The following WDPCP variants were observed in gnomAD, a reference collection of about 807,000 sequenced individuals.
WDPCP encodes WD repeat-containing and planar cell polarity effector protein fritz homolog.
Under a neutral mutation model 93.1 loss-of-function variants are expected in WDPCP, and 71 were observed. The observed-to-expected ratio is 0.76, with a 90% confidence interval of 0.63 to 0.93. The LOEUF (loss-of-function observed/expected upper bound fraction) is 0.93. Ranked by LOEUF, WDPCP falls within the 40% of genes least tolerant of loss-of-function variation. The pLI is 0.00. For synonymous variants in WDPCP, 315 were observed against 315.0 expected, an observed-to-expected ratio of 1.00 and a Z score of 0.00; for missense variants, 844 against 887.4, an observed-to-expected ratio of 0.95 and a Z score of 0.62.
chr2:63,291,399 C>T (rs1478350987), intron 13 of WDPCP, among the ~76,000 whole-genome samples: 1 of 152,148 alleles, frequency 6.6e-6, no homozygotes, highest in South Asian at 2.1e-4. Flanking sequence ...TTTGTATGTG[C>T]TACACAGACT....
rs535701060 is a variant in WDPCP at position 63,607,354 on chromosome 2, T to C, written n.488+43305A>G. Among the ~76,000 whole-genome samples the C allele has an allele frequency of 7.9e-5, 12 of 151,280 alleles. No individual in the cohort carries two copies. The South Asian group carries it at 2.3e-3, about 29-fold the overall frequency. On this transcript the variant is annotated intron_variant and non_coding_transcript_variant, in intron 3 of 4. Coordinates refer to the WDPCP transcript ENST00000467687. The stretch of plus-strand genomic sequence containing the variant: ...GGAGTTTGAGACCAGCCTGGGCAAA[T>C]AGTGACACCCCATCTCTACTAAAAA...
chr2:63,631,018 C>A (rs368125390), intron 3 of WDPCP, among the ~76,000 whole-genome samples: 9 of 152,222 alleles, frequency 5.9e-5, no homozygotes, highest in African/African-American at 1.7e-4. Context: ...TGTGGGCTCA[C>A]ACCTATAATC....
chr2:63,292,388 A>G (rs547908476), intron 13 of WDPCP, among the ~76,000 whole-genome samples: 2 of 152,182 alleles, frequency 1.3e-5, no homozygotes, highest in South Asian at 4.1e-4. Context: ...AAATCTCACA[A>G]CAGAACAAAA....
At chr2:63,594,333 C>T (rs1390636334) in intron 3 of WDPCP, 1 of 743,136 alleles carries the variant, frequency 1.3e-6, no homozygotes, top group Admixed American at 1.7e-5. Context: ...CGTAAATATG[C>T]AGCACATTCA....
At chr2:63,446,658 T>G (rs1697887449) in intron 6 of WDPCP, among the ~76,000 whole-genome samples, 1 of 152,182 alleles carries the variant, frequency 6.6e-6, no homozygotes, top group African/African-American at 2.4e-5. Flanking sequence ...CAGTGCACAG[T>G]CCAGATCAGC....
chr2:63,408,545 G>A (rs1050116678), intron 9 of WDPCP, among the ~76,000 whole-genome samples: 6 of 152,146 alleles, frequency 3.9e-5, no homozygotes, highest in African/African-American at 1.4e-4. Flanking sequence ...ATCTCTAGCT[G>A]AACTGTGTAA....
At chr2:63,525,084 T>G (rs899698796) in intron 1 of WDPCP, among the ~76,000 whole-genome samples, 1 of 152,216 alleles carries the variant, frequency 6.6e-6, no homozygotes, top group Admixed American at 6.5e-5. Flanking sequence ...AAAAAGGTCA[T>G]GTCCTTTGCA....
chr2:63,215,136 A>G (rs139489293), intron 14 of WDPCP, among the ~76,000 whole-genome samples: 24,167 of 152,214 alleles, frequency 0.16, 2,590 homozygotes, highest in Non-Finnish European at 0.21. Context: ...TAAAGTTCAC[A>G]TGGAACCAAA....
At chr2:63,356,653 A>T (rs1690039440) in intron 12 of WDPCP, among the ~76,000 whole-genome samples, 1 of 152,250 alleles carries the variant, frequency 6.6e-6, no homozygotes, top group African/African-American at 2.4e-5. Context: ...TGGAAATTAA[A>T]AAATATGCTC....
intron 3 of WDPCP, 32 bp from the exon 4 acceptor site, chr2:63,486,618 A>C: frequency 6.5e-7 from 1 of 1,543,374 alleles, no homozygotes; most frequent in Admixed American, 1.9e-5. Context: ...TAGAAAGAAA[A>C]AAACAAAAGT....
chr2:63,348,057 G>A (rs960457346), intron 12 of WDPCP, among the ~76,000 whole-genome samples: 3 of 152,100 alleles, frequency 2.0e-5, no homozygotes, highest in Admixed American at 1.3e-4. Flanking sequence ...TCTAGTAGGC[G>A]AGATAGCCAC....
At chr2:63,424,564 C>T (rs1291580497) in intron 9 of WDPCP, among the ~76,000 whole-genome samples, 1 of 152,264 alleles carries the variant, frequency 6.6e-6, no homozygotes, top group South Asian at 2.1e-4. Flanking sequence ...CCAATATGGC[C>T]GGTACCCAAA....
intron 1 of WDPCP, among the ~76,000 whole-genome samples, chr2:63,548,206 A>G (rs551952134): frequency 6.6e-6 from 1 of 152,264 alleles, no homozygotes; most frequent in East Asian, 1.9e-4. Context: ...AGGAAACACA[A>G]AGACTGAAAG....
intron 1 of WDPCP, among the ~76,000 whole-genome samples, chr2:63,528,240 T>G (rs1703511966): frequency 6.6e-6 from 1 of 152,230 alleles, no homozygotes; most frequent in African/African-American, 2.4e-5. Flanking sequence ...ATTTGTCAAT[T>G]TTGGCTTTTG....
At chr2:63,553,337 C>T (rs759856403) in intron 1 of WDPCP, among the ~76,000 whole-genome samples, 1 of 152,158 alleles carries the variant, frequency 6.6e-6, no homozygotes, top group Non-Finnish European at 1.5e-5. Flanking sequence ...CCCATCCTCC[C>T]GATCCTGGTA....
At chr2:63,556,552 A>ATTCT in intron 1 of WDPCP, among the ~76,000 whole-genome samples, 1 of 152,156 alleles carries the variant, frequency 6.6e-6, no homozygotes, top group Non-Finnish European at 1.5e-5. Context: ...CACCTTCTGA[A>ATTCT]GCCTATTTCT....
intron 1 of WDPCP, among the ~76,000 whole-genome samples, chr2:63,508,511 C>G (rs1233752940): frequency 2.0e-5 from 3 of 152,062 alleles, no homozygotes; most frequent in African/African-American, 7.2e-5. Context: ...TTGACACTAT[C>G]AAGAAACTGC....
intron 14 of WDPCP, among the ~76,000 whole-genome samples, chr2:63,219,702 A>AAGAT (rs1353205157): frequency 6.6e-6 from 1 of 152,220 alleles, no homozygotes; most frequent in African/African-American, 2.4e-5. Context: ...TATGCATATT[A>AAGAT]AGATATAGTA....
At chr2:63,716,337 G>A (rs538882111) in intron 2 of WDPCP, among the ~76,000 whole-genome samples, 1 of 152,186 alleles carries the variant, frequency 6.6e-6, no homozygotes, top group African/African-American at 2.4e-5. Flanking sequence ...GTGAGGACAA[G>A]GATCAAAGTC....
Sources: gnomAD v4.1 joint callset for allele counts (sites outside exome capture counted in the v4.1 genomes callset) on GRCh38, gnomAD v4.1.1 for gene constraint, MANE v1.5 for transcripts, NCBI Gene and HGNC (gene_info 2026-07-23, HGNC 2026-07-21) for gene names.